The following DLG2 variants were observed in gnomAD, a reference collection of about 807,000 sequenced individuals.
DLG2 encodes the protein disks large homolog 2.
DLG2 carries 45 observed loss-of-function variants against 132.5 expected under a neutral mutation model. The observed-to-expected ratio is 0.34, with a 90% CI of 0.27 to 0.44. DLG2 has a LOEUF of 0.44. DLG2 is among the 20% of genes least tolerant of loss of function. The pLI is 1.00. For synonymous variants in DLG2, 424 were observed against 419.6 expected (o/e 1.01, Z -0.13); for missense variants, 1,045 against 1,196.9 (o/e 0.87, Z 1.87).
At chr11:85,231,259 G>A (rs2075285334) in intron 4 of DLG2, among the ~76,000 whole-genome samples, 1 of 151,870 alleles carries the variant, frequency 6.6e-6, no homozygotes, top group Non-Finnish European at 1.5e-5. Flanking sequence ...CTTTCTCTAT[G>A]TACTTCAGTG....
intron 15 of DLG2, among the ~76,000 whole-genome samples, chr11:83,903,066 T>C (rs1424096255): frequency 6.6e-6 from 1 of 152,164 alleles, no homozygotes; most frequent in Non-Finnish European, 1.5e-5. Context: ...ATGAGAAATG[T>C]GTTATCGGGC....
intron 16 of DLG2, among the ~76,000 whole-genome samples, chr11:83,843,610 A>G (rs928588864): frequency 4.5e-5 from 4 of 88,758 alleles, no homozygotes; most frequent in African/African-American, 1.6e-4. Context: ...TTGTTTCATG[A>G]ACGGAAAAAA....
chr11:83,535,052 A>G (rs1483759933), intron 20 of DLG2, among the ~76,000 whole-genome samples: 1 of 152,236 alleles, frequency 6.6e-6, no homozygotes, highest in African/African-American at 2.4e-5. Flanking sequence ...AGCAAGACAG[A>G]TTTCAGATAA....
Position 84,167,072 on chromosome 11 carries a change from G to A in DLG2, c.574-3561C>T, listed in dbSNP as rs2095685629. On this transcript the variant is annotated intron_variant, in intron 8 of 27. Coordinates refer to ENST00000376104, the MANE Select transcript of DLG2 (RefSeq NM_001142699.3). ...AGCCTCCTCTCTACTTTGAGAACTA[G>A]AAAAATCAGAGGATTGACATTTTCA... 6.1e-5 allele frequency: 31 copies of A among 509,934 alleles called. 1 individual carries two copies. The highest frequency in any genetic ancestry group is 4.6e-4 in the South Asian group (31 of 67,968). The allele number at this position is 509,934 out of a possible 1,614,324, so 31.6% of individuals were successfully genotyped here.
intron 6 of DLG2, among the ~76,000 whole-genome samples, chr11:84,872,140 A>G (rs2085565125): frequency 6.6e-6 from 1 of 152,180 alleles, no homozygotes; most frequent in Admixed American, 6.5e-5. Flanking sequence ...ATTGGAGTGC[A>G]CTTTATGCTG....
intron 3 of DLG2, among the ~76,000 whole-genome samples, chr11:85,540,647 G>C (rs968866406): frequency 4.6e-5 from 7 of 152,234 alleles, no homozygotes; most frequent in Non-Finnish European, 8.8e-5. Context: ...TGATAAAGCA[G>C]AGGCTCTAAT....
chr11:84,312,799 T>A (rs2098301764), intron 7 of DLG2, among the ~76,000 whole-genome samples: 1 of 152,076 alleles, frequency 6.6e-6, no homozygotes, highest in South Asian at 2.1e-4. Context: ...TTTTTTATTT[T>A]TTATTATTAT....
chr11:85,407,780 C>T (rs1345351018), intron 3 of DLG2, among the ~76,000 whole-genome samples: 2 of 151,786 alleles, frequency 1.3e-5, no homozygotes, highest in Non-Finnish European at 2.9e-5. Flanking sequence ...AATACTTATA[C>T]TCCAAGTTGA....
At chr11:84,399,754 A>T (rs1422794059) in intron 7 of DLG2, among the ~76,000 whole-genome samples, 1 of 152,190 alleles carries the variant, frequency 6.6e-6, no homozygotes, top group African/African-American at 2.4e-5. Context: ...AGTTTGCTCC[A>T]TGAACATAAG....
chr11:85,405,285 A>G (rs1483723522), intron 3 of DLG2, among the ~76,000 whole-genome samples: 2 of 152,044 alleles, frequency 1.3e-5, no homozygotes, highest in African/African-American at 2.4e-5. Context: ...AAGAAAAGAT[A>G]TAGTCTCTAA....
rs748305428 is a variant in DLG2 at position 84,837,351 on chromosome 11, T to A, written c.357+274310A>T. On this transcript the variant is annotated intron_variant, in intron 6 of 27. Transcript: ENST00000376104. ...TATTATGTAAACACCATTGTTTAAA[T>A]AAGGAAGATCACTGAATATCTCAGT... 2.2e-4 allele frequency among the ~76,000 whole-genome samples: 33 copies of A among 151,702 alleles called. 1 individual carries two copies. Among genetic ancestry groups the A allele is most frequent in the Admixed American group, 7.9e-4 (12 of 15,204 alleles).
chr11:83,761,983 G>A (rs1199267413), intron 18 of DLG2, among the ~76,000 whole-genome samples: 4 of 152,152 alleles, frequency 2.6e-5, no homozygotes, highest in East Asian at 1.9e-4. Context: ...CCAACAAACC[G>A]TGAGAAGAAC....
At chr11:85,299,879 C>T (rs1432442242) in intron 3 of DLG2, among the ~76,000 whole-genome samples, 1 of 152,110 alleles carries the variant, frequency 6.6e-6, no homozygotes, top group Non-Finnish European at 1.5e-5. Flanking sequence ...ACCAAAGTAG[C>T]TAAATAGTGT....
At chr11:84,438,033 A>G (rs546737725) in intron 7 of DLG2, among the ~76,000 whole-genome samples, 199 of 152,268 alleles carry the variant, frequency 1.3e-3, no homozygotes, top group Admixed American at 4.2e-3. Flanking sequence ...AGGCAGAACC[A>G]CCATGAATCT....
intron 3 of DLG2, among the ~76,000 whole-genome samples, chr11:85,536,124 GA>G (rs921098965): frequency 1.4e-4 from 21 of 151,002 alleles, no homozygotes; most frequent in Non-Finnish European, 2.9e-5. Flanking sequence ...GCTTTGGTGG[GA>G]GGGTTACTTG....
chr11:83,627,554 T>G (rs1324015640), intron 19 of DLG2, among the ~76,000 whole-genome samples: 1 of 152,220 alleles, frequency 6.6e-6, no homozygotes, highest in Non-Finnish European at 1.5e-5. Context: ...CATCATTTCT[T>G]ATGGCTGCAT....
At chr11:83,865,858 A>C (rs2062243537) in intron 16 of DLG2, among the ~76,000 whole-genome samples, 1 of 152,134 alleles carries the variant, frequency 6.6e-6, no homozygotes, top group Non-Finnish European at 1.5e-5. Flanking sequence ...ATAAATTTCT[A>C]AATGGAAAGC....
intron 18 of DLG2, among the ~76,000 whole-genome samples, chr11:83,642,720 T>C (rs1264116452): frequency 6.6e-6 from 1 of 152,218 alleles, no homozygotes; most frequent in Non-Finnish European, 1.5e-5. Context: ...TTTCTTTGGC[T>C]GACAGGAGTA....
chr11:85,275,097 T>C (rs890692109), intron 4 of DLG2, among the ~76,000 whole-genome samples: 3 of 152,190 alleles, frequency 2.0e-5, no homozygotes, highest in Non-Finnish European at 2.9e-5. Flanking sequence ...CTCCTGTTAA[T>C]ATGCTTTTTG....
Sources: allele counts gnomAD v4.1 joint callset (sites outside exome capture counted in the v4.1 genomes callset), GRCh38; gene constraint gnomAD v4.1.1; transcripts MANE v1.5; gene names NCBI Gene and HGNC (gene_info 2026-07-23, HGNC 2026-07-21).